Variants in ACTG2 observed in about 807,000 individuals in gnomAD.
The protein encoded by ACTG2 is actin, gamma-enteric smooth muscle.
In ACTG2, 16 loss-of-function variants were observed where a neutral mutation model predicts 37.6. The observed-to-expected ratio is 0.43, with a 90% CI of 0.29 to 0.65. ACTG2 has a LOEUF of 0.65. Among genes scored for constraint, ACTG2 ranks in the 30% least tolerant of loss-of-function variants. The pLI is 0.18. For synonymous variants in ACTG2, 181 were observed against 179.9 expected (o/e 1.01, Z -0.05); for missense variants, 238 against 490.9 (o/e 0.48, Z 4.87).
chr2:73,903,383 A>G (rs1221085459), intron 3 of ACTG2, among the ~76,000 whole-genome samples: 1 of 152,242 alleles, frequency 6.6e-6, no homozygotes, highest in African/African-American at 2.4e-5. Context: ...AGTACTGCAC[A>G]TAAAATGCAA....
chr2:73,893,957 G>A (rs565887501), intron 1 of ACTG2, among the ~76,000 whole-genome samples: 6 of 152,198 alleles, frequency 3.9e-5, no homozygotes, highest in Non-Finnish European at 8.8e-5. Flanking sequence ...CAGACTGTCA[G>A]GCTAACCAAG....
At chr2:73,902,784 C>A in intron 3 of ACTG2, 1 of 1,544,924 alleles carries the variant, frequency 6.5e-7, no homozygotes, top group South Asian at 1.2e-5. Context: ...TCATGTCACT[C>A]ACCTCCTCAG....
At chr2:73,899,773 T>C (rs1679838064) in intron 1 of ACTG2, among the ~76,000 whole-genome samples, 1 of 152,194 alleles carries the variant, frequency 6.6e-6, no homozygotes, top group Admixed American at 6.5e-5. Flanking sequence ...TATCCTATTC[T>C]GGACCTTGTG....
chr2:73,908,803 T>A lies in ACTG2; in HGVS notation c.366+20T>A, dbSNP rs924869612. The A allele has an allele frequency of 5.1e-6, 8 of 1,570,738 alleles. No homozygotes were observed. The African/African-American group carries it at 1.1e-4, about 21-fold the overall frequency. On this transcript the variant is annotated intron_variant, in intron 4 of 8. Coordinates refer to ENST00000345517, the MANE Select transcript of ACTG2 (RefSeq NM_001615.4). ...ACCCAGGTAAGAAGCCAGGAAGACT[T>A]GAACACTGGCATAAGAATGCAACAT...
intron 1 of ACTG2, among the ~76,000 whole-genome samples, chr2:73,895,698 T>G (rs1679732086): frequency 6.6e-6 from 1 of 152,252 alleles, no homozygotes. Context: ...CATTGATGTG[T>G]GAAATGGATC....
chr2:73,898,864 T>G (rs1466367252), intron 1 of ACTG2, among the ~76,000 whole-genome samples: 196 of 148,412 alleles, frequency 1.3e-3, no homozygotes, highest in African/African-American at 4.6e-3. Context: ...GTGCAGTGGC[T>G]CGATCTTGGC....
At chr2:73,916,320 A>G (rs540220838) in intron 7 of ACTG2, among the ~76,000 whole-genome samples, 1 of 151,356 alleles carries the variant, frequency 6.6e-6, no homozygotes, top group African/African-American at 2.4e-5. Flanking sequence ...GGTTGCAGTG[A>G]GCTGAGATCG....
chr2:73,908,417 G>A, intron 3 of ACTG2: 1 of 569,460 alleles, frequency 1.8e-6, no homozygotes. Flanking sequence ...GGAGAGTGAA[G>A]AGGAGGGAAG....
At chr2:73,914,353 G>T (rs543804293) in intron 6 of ACTG2, among the ~76,000 whole-genome samples, 7 of 152,240 alleles carry the variant, frequency 4.6e-5, no homozygotes, top group Admixed American at 3.3e-4. Context: ...GAGGTCAGGA[G>T]TTCTAGACCA....
chr2:73,895,411 G>A (rs1679725483), intron 1 of ACTG2, among the ~76,000 whole-genome samples: 1 of 152,200 alleles, frequency 6.6e-6, no homozygotes, highest in Admixed American at 6.5e-5. Flanking sequence ...ATATCCTGAA[G>A]TTAATTAGAG....
chr2:73,916,671 A>T lies in ACTG2; in HGVS notation c.893A>T (p.Asn298Ile), dbSNP rs767675982. Reference protein sequence around the residue: ...IDIRKDLYANNVLSGGTTMYP... With the variant: ...IDIRKDLYANIVLSGGTTMYP... ...ATCCGTAAGGACTTATATGCCAACA[A>T]TGTCCTCTCTGGGGGCACCACCATG... Residue 298 changes from asparagine to isoleucine, a missense_variant, in exon 8 of 9, where the codon AAT becomes ATT. By Grantham distance (149) the Asn-to-Ile change is moderately radical. Transcript: ENST00000345517. 1 of 1,613,970 alleles carries T rather than the reference A, an allele frequency of 6.2e-7. No homozygotes were observed. Among genetic ancestry groups the T allele is most frequent in the Non-Finnish European group, 8.5e-7 (1 of 1,180,030 alleles).
intron 1 of ACTG2, among the ~76,000 whole-genome samples, chr2:73,899,361 C>T (rs1004613974): frequency 5.3e-5 from 8 of 152,014 alleles, no homozygotes; most frequent in African/African-American, 1.9e-4. Context: ...ACTTGGGATG[C>T]TGAGGTGGGA....
intron 3 of ACTG2, 59 bp downstream of exon 3, chr2:73,902,547 T>C: frequency 6.2e-7 from 1 of 1,603,704 alleles, no homozygotes; most frequent in Non-Finnish European, 8.5e-7. Flanking sequence ...ATCATGACCC[T>C]CGTATTCATA....
At chr2:73,906,338 C>G (rs1680014503) in intron 3 of ACTG2, among the ~76,000 whole-genome samples, 2 of 151,948 alleles carry the variant, frequency 1.3e-5, no homozygotes, top group South Asian at 4.1e-4. Context: ...GTAGTCCCAG[C>G]TACTCGGGAG....
chr2:73,904,777 GTATATATATATA>G (rs199782884), intron 3 of ACTG2, among the ~76,000 whole-genome samples: 6 of 42,632 alleles, frequency 1.4e-4, no homozygotes, highest in African/African-American at 2.3e-4. Context: ...GTGTGTGTGT[GTATATATATATA>G]TATATATATA....
chr2:73,917,069 T>C (rs1680286187), intron 8 of ACTG2, among the ~76,000 whole-genome samples: 1 of 152,152 alleles, frequency 6.6e-6, no homozygotes. Context: ...CCCAGCATTT[T>C]GGAAAGCCAA....
intron 6 of ACTG2, 30 bp from the exon 7 acceptor site, chr2:73,914,650 T>C: frequency 6.6e-7 from 1 of 1,514,962 alleles, no homozygotes; most frequent in Non-Finnish European, 8.9e-7. Flanking sequence ...GAGCTCAGTA[T>C]TCACCTTCTG....
intron 2 of ACTG2, among the ~76,000 whole-genome samples, chr2:73,902,028 T>TGTGTGTGTGC (rs1426150688): frequency 1.0e-5 from 1 of 98,128 alleles, no homozygotes; most frequent in Non-Finnish European, 2.2e-5. Flanking sequence ...CGTGTGTGTG[T>TGTGTGTGTGC]GTGTGTGTGT....
chr2:73,901,538 G>A (rs538941366), intron 2 of ACTG2, 101 bp downstream of exon 2: 40 of 400,926 alleles, frequency 1.0e-4, no homozygotes, highest in Middle Eastern at 5.5e-4. Flanking sequence ...GGAAATGTGT[G>A]TGTGTGTGTG....
Sources: allele counts gnomAD v4.1 joint callset (sites outside exome capture counted in the v4.1 genomes callset), GRCh38; gene constraint gnomAD v4.1.1; transcripts MANE v1.5; gene names NCBI Gene and HGNC (gene_info 2026-07-23, HGNC 2026-07-21).